Variants in MAP1B observed in about 807,000 individuals in gnomAD.
MAP1B encodes microtubule associated protein 1B.
Under a neutral mutation model 176.1 loss-of-function variants are expected in MAP1B, and 12 were observed. The observed-to-expected ratio is 0.07, with a 90% CI of 0.04 to 0.11. The LOEUF (loss-of-function observed/expected upper bound fraction) is 0.11, where lower values mean the gene tolerates loss of function less well. Ranked by LOEUF, MAP1B falls within the 10% of genes least tolerant of loss-of-function variation. The pLI is 1.00. For synonymous variants in MAP1B, 1,044 were observed against 1,135.0 expected (o/e 0.92, Z 1.61); for missense variants, 2,523 against 2,990.5 (o/e 0.84, Z 3.65).
At chr5:72,193,531 G>T (rs972540088) in intron 4 of MAP1B, among the ~76,000 whole-genome samples, 1 of 152,134 alleles carries the variant, frequency 6.6e-6, no homozygotes, top group Non-Finnish European at 1.5e-5. Flanking sequence ...CAGTTGCCCA[G>T]GTGGTCACTG....
At chr5:72,161,414 T>C (rs1746322847) in intron 2 of MAP1B, among the ~76,000 whole-genome samples, 1 of 152,226 alleles carries the variant, frequency 6.6e-6, no homozygotes, top group Non-Finnish European at 1.5e-5. Flanking sequence ...GTACTAGTGC[T>C]GGTGTGCCAA....
intron 2 of MAP1B, among the ~76,000 whole-genome samples, chr5:72,180,165 T>C (rs934530526): frequency 6.6e-6 from 1 of 152,164 alleles, no homozygotes; most frequent in Non-Finnish European, 1.5e-5. Context: ...AGAAAGAGGC[T>C]GGGATTTCAT....
intron 4 of MAP1B, among the ~76,000 whole-genome samples, chr5:72,191,986 G>C (rs1747035272): frequency 6.6e-6 from 1 of 152,190 alleles, no homozygotes; most frequent in South Asian, 2.1e-4. Flanking sequence ...GTGATTGAAT[G>C]CCCCCTACTC....
chr5:72,183,570 G>T (rs1308423013), intron 2 of MAP1B, among the ~76,000 whole-genome samples, 173 bp from the exon 3 acceptor site: 2 of 152,234 alleles, frequency 1.3e-5, no homozygotes, highest in African/African-American at 4.8e-5. Flanking sequence ...ACTAGTGGCT[G>T]CACCCTCTTT....
At position 72,199,776 on chromosome 5, in the gene MAP1B, C is replaced by G; in HGVS notation, c.6421C>G (p.Gln2141Glu). The change falls in exon 5 of 7, where the codon CAG (glutamine) becomes GAG (glutamate). Residue 2141 changes from glutamine (Q) to glutamate (E), a missense_variant. This residue lies in a region of MAP1B where 287 missense variants were observed against 401.5 expected (regional missense o/e 0.71). Transcript: ENST00000296755. This position sits in a 1 kb window ranked among gnomAD's most constrained non-coding sequence, Gnocchi z 4.2. The stretch of plus-strand genomic sequence containing the variant: ...TCCAGGAGGAAAGCAACAGGGCCGA[C>G]AGTGTGATGAAACCCCTCCCACCTC... The part of the protein sequence containing the change: ...PPPGGKQQGR[Q>E]CDETPPTSVS... The G allele has an allele frequency of 6.2e-7, 1 of 1,614,200 alleles. No individual in the cohort carries two copies. Among genetic ancestry groups the G allele is most frequent in the Non-Finnish European group, 8.5e-7 (1 of 1,180,036 alleles).
intron 2 of MAP1B, among the ~76,000 whole-genome samples, chr5:72,153,879 A>G (rs1746185536): frequency 6.6e-6 from 1 of 152,064 alleles, no homozygotes; most frequent in Non-Finnish European, 1.5e-5. Context: ...AAAGCCTGCT[A>G]CTGTTACTTT....
chr5:72,193,603 G>A (rs550569803), intron 4 of MAP1B, among the ~76,000 whole-genome samples: 10 of 152,300 alleles, frequency 6.6e-5, no homozygotes, highest in African/African-American at 2.2e-4. Flanking sequence ...TGGTGGAGGG[G>A]TTGTTGGGGA....
intron 2 of MAP1B, among the ~76,000 whole-genome samples, chr5:72,147,989 A>G (rs1051242023): frequency 2.6e-5 from 4 of 152,212 alleles, no homozygotes; most frequent in Non-Finnish European, 5.9e-5. Context: ...CACAGGAAAG[A>G]AAATCACCCA....
Position 72,198,567 on chromosome 5 carries a change from C to T in MAP1B, c.5212C>T (p.Pro1738Ser), listed in dbSNP as rs1224903901. ...ASPSTSSAHT[P>S]SQIASPLQED... ...CCCGTCCACCTCTTCTGCTCATACCCCTTCTCAGATCGCTTCTCCTCTCCA... is the reference window on the plus strand; with the variant it reads ...CCCGTCCACCTCTTCTGCTCATACCTCTTCTCAGATCGCTTCTCCTCTCCA... Residue 1738 changes from proline to serine, a missense_variant, in exon 5 of 7, where the codon CCT (proline) becomes TCT (serine). Pro to Ser is a moderately conservative substitution (Grantham distance 74, BLOSUM62 -1). This residue lies in a region of MAP1B where 1,925 missense variants were observed against 2,126.0 expected (regional missense o/e 0.91). Transcript: ENST00000296755. The T allele has an allele frequency of 6.2e-7, 1 of 1,613,962 alleles. No individual in the cohort carries two copies. The highest frequency in any genetic ancestry group is 2.2e-5 in the East Asian group (1 of 44,878).
At position 72,194,799 on chromosome 5, in the gene MAP1B, G is replaced by C; in HGVS notation, c.1444G>C (p.Glu482Gln). ...TGTGTGGCATCCAGCAAACCCTGCGGAGAAAATCATCCGAGTCCTGTTTCC... is the reference window on the plus strand; with the variant it reads ...TGTGTGGCATCCAGCAAACCCTGCGCAGAAAATCATCCGAGTCCTGTTTCC... The part of the protein sequence containing the change: ...LIVWHPANPA[E>Q]KIIRVLFPGN... The change falls in exon 5 of 7, where the codon GAG (glutamate) becomes CAG (glutamine). Residue 482 changes from glutamate (E) to glutamine (Q), a missense_variant. Glu to Gln is a conservative substitution (Grantham distance 29, BLOSUM62 2). Transcript: ENST00000296755. The surrounding 1 kb of genome is among the most constrained non-coding windows in gnomAD (Gnocchi z 7.2). 2 of 1,614,168 alleles carry C rather than the reference G, an allele frequency of 1.2e-6. No homozygotes were observed. The highest frequency in any genetic ancestry group is 1.7e-6 in the Non-Finnish European group (2 of 1,180,030).
chr5:72,136,335 A>G (rs1471138697), intron 2 of MAP1B, among the ~76,000 whole-genome samples: 2 of 152,162 alleles, frequency 1.3e-5, no homozygotes, highest in African/African-American at 4.8e-5. Context: ...GGACATTACA[A>G]ACAGGAAATC....
At chr5:72,118,903 T>C (rs1318329370) in intron 2 of MAP1B, among the ~76,000 whole-genome samples, 2 of 152,246 alleles carry the variant, frequency 1.3e-5, no homozygotes, top group Non-Finnish European at 2.9e-5. Flanking sequence ...TGGAGTTCAC[T>C]TGTAAAGACT....
At chr5:72,126,468 T>G (rs1745632910) in intron 2 of MAP1B, among the ~76,000 whole-genome samples, 1 of 152,150 alleles carries the variant, frequency 6.6e-6, no homozygotes, top group Non-Finnish European at 1.5e-5. Context: ...CTTGTTCAAT[T>G]TTGTCTAACC....
rs1561320391 is a variant in MAP1B, at chr5:72,205,294, A to G, written c.*55A>G. ...GAACTTTGTTTCCAGAAATTCTTCA[A>G]TTTGAAATCACCTTTTCTAAAAAGT... On this transcript the variant is annotated 3_prime_UTR_variant, in exon 7 of 7. Coordinates refer to ENST00000296755, the MANE Select transcript of MAP1B (RefSeq NM_005909.5). 6 of 1,545,532 alleles carry G rather than the reference A, an allele frequency of 3.9e-6. No homozygotes were observed. The highest frequency in any genetic ancestry group is 2.3e-5 in the East Asian group (1 of 44,298).
intron 2 of MAP1B, among the ~76,000 whole-genome samples, chr5:72,159,052 A>AG (rs1398860410): frequency 3.9e-5 from 6 of 152,126 alleles, no homozygotes; most frequent in Non-Finnish European, 7.4e-5. Flanking sequence ...GAGGAACCTG[A>AG]GGGTCAGAGA....
intron 2 of MAP1B, among the ~76,000 whole-genome samples, chr5:72,182,078 G>C (rs1746783135): frequency 7.4e-6 from 1 of 135,060 alleles, no homozygotes; most frequent in Admixed American, 7.8e-5. Context: ...TGCCCAGGCT[G>C]GTTTTGAACT....
intron 2 of MAP1B, among the ~76,000 whole-genome samples, chr5:72,174,721 C>A (rs1455655840): frequency 1.3e-5 from 2 of 152,194 alleles, no homozygotes; most frequent in Non-Finnish European, 2.9e-5. Context: ...GAGAACAGGG[C>A]ACTCACAGAT....
intron 2 of MAP1B, among the ~76,000 whole-genome samples, chr5:72,181,834 C>G (rs907264202): frequency 6.6e-6 from 1 of 151,800 alleles, no homozygotes; most frequent in African/African-American, 2.4e-5. Context: ...CGATTCTCCT[C>G]TTGTCTCAGC....
intron 2 of MAP1B, among the ~76,000 whole-genome samples, chr5:72,117,325 A>G (rs1277646679): frequency 6.6e-6 from 1 of 152,200 alleles, no homozygotes; most frequent in Non-Finnish European, 1.5e-5. Context: ...TCCAAAAAGT[A>G]TGATTATTTC....
Sources: gnomAD v4.1 joint callset for allele counts (sites outside exome capture counted in the v4.1 genomes callset) on GRCh38, gnomAD v4.1.1 for gene constraint, gnomAD v4.1.1 regional missense constraint, Gnocchi (gnomAD v3.1) non-coding constraint, MANE v1.5 for transcripts, NCBI Gene and HGNC (gene_info 2026-07-23, HGNC 2026-07-21) for gene names.